Variants in CEP85L observed in about 807,000 individuals in gnomAD.
CEP85L encodes centrosomal protein 85L, also known as centrosomal protein of 85 kDa-like.
CEP85L carries 60 observed loss-of-function variants against 100.3 expected under a neutral mutation model. The observed-to-expected ratio is 0.60, with a 90% CI of 0.49 to 0.74. CEP85L has a LOEUF of 0.74. Ranked by LOEUF, CEP85L falls within the 30% of genes least tolerant of loss-of-function variation. The probability of loss-of-function intolerance (pLI) is 0.00; values close to 1 mark genes in which losing one functional copy is unlikely to be tolerated. For missense variants in CEP85L, 973 were observed against 936.2 expected (o/e 1.04, Z -0.51); for synonymous variants, 319 against 322.7 (o/e 0.99, Z 0.12).
chr6:118,476,491 C>T (rs1773389073), intron 10 of CEP85L, among the ~76,000 whole-genome samples: 1 of 152,074 alleles, frequency 6.6e-6, no homozygotes, highest in African/African-American at 2.4e-5. Flanking sequence ...AGGAGATAAA[C>T]ATCACACAAT....
intron 1 of CEP85L, among the ~76,000 whole-genome samples, chr6:118,657,978 T>C (rs1775854531): frequency 6.6e-6 from 1 of 152,196 alleles, no homozygotes; most frequent in Non-Finnish European, 1.5e-5. Context: ...AAGGTTTTTT[T>C]ATTCCAAAGA....
chr6:118,706,117 C>T (rs1777585976), intron 1 of CEP85L, among the ~76,000 whole-genome samples: 2 of 152,160 alleles, frequency 1.3e-5, no homozygotes, highest in African/African-American at 4.8e-5. Flanking sequence ...GGGAAGGGCT[C>T]GTATCCAGCA....
intron 1 of CEP85L, among the ~76,000 whole-genome samples, chr6:118,706,861 C>G (rs1777608302): frequency 6.6e-6 from 1 of 152,174 alleles, no homozygotes; most frequent in Non-Finnish European, 1.5e-5. Flanking sequence ...CAAAAAGACT[C>G]TCGCTTTGTG....
At chr6:118,503,159 G>A (rs920789885) in intron 5 of CEP85L, among the ~76,000 whole-genome samples, 11 of 151,706 alleles carry the variant, frequency 7.3e-5, no homozygotes, top group African/African-American at 2.7e-4. Flanking sequence ...ATGAACAAGT[G>A]GAATATAAAA....
intron 10 of CEP85L, 45 bp downstream of exon 10, chr6:118,479,820 AGAGTAT>A (rs1773647156): frequency 1.2e-6 from 1 of 857,460 alleles, no homozygotes; most frequent in Admixed American, 2.7e-5. Flanking sequence ...ATAAGCATTA[AGAGTAT>A]ATCAGAATAT....
intron 1 of CEP85L, among the ~76,000 whole-genome samples, chr6:118,660,885 C>CT (rs57604070): frequency 0.7 from 105,424 of 149,576 alleles, 37,718 homozygotes; most frequent in Middle Eastern, 0.75. Flanking sequence ...TTCTTTTTTT[C>CT]TTTTTTTTTT....
chr6:118,597,649 A>G (rs934196222), intron 2 of CEP85L, among the ~76,000 whole-genome samples: 1 of 152,246 alleles, frequency 6.6e-6, no homozygotes, highest in African/African-American at 2.4e-5. Context: ...AAGAATAAAA[A>G]GAAAAGACAG....
chr6:118,617,077 G>A (rs913275560), intron 2 of CEP85L, among the ~76,000 whole-genome samples: 4 of 152,160 alleles, frequency 2.6e-5, no homozygotes, highest in South Asian at 2.1e-4. Flanking sequence ...AAAACCTTGC[G>A]CTTTGCAGGA....
At chr6:118,702,793 T>C (rs115824957) in intron 1 of CEP85L, among the ~76,000 whole-genome samples, 5,856 of 152,152 alleles carry the variant, frequency 0.038, 183 homozygotes, top group Middle Eastern at 0.12. Flanking sequence ...TCAGGAGATT[T>C]AGACTACCGT....
intron 7 of CEP85L, among the ~76,000 whole-genome samples, chr6:118,482,192 A>C (rs1280014205): frequency 2.0e-5 from 3 of 152,164 alleles, no homozygotes; most frequent in Non-Finnish European, 4.4e-5. Flanking sequence ...TTCTCATTTT[A>C]AATTTATTTT....
chr6:118,708,262 T>G (rs1777666501), intron 1 of CEP85L, among the ~76,000 whole-genome samples: 1 of 151,872 alleles, frequency 6.6e-6, no homozygotes, highest in African/African-American at 2.4e-5. Flanking sequence ...GCAACTGGAG[T>G]TCATGAGCGA....
chr6:118,513,954 T>C (rs973133086), intron 4 of CEP85L, among the ~76,000 whole-genome samples: 2 of 152,158 alleles, frequency 1.3e-5, no homozygotes, highest in Non-Finnish European at 2.9e-5. Context: ...TGTATAACCT[T>C]TGTAGATGTA....
chr6:118,589,438 GA>G, intron 2 of CEP85L: 2 of 263,878 alleles, frequency 7.6e-6, no homozygotes, highest in East Asian at 1.0e-4. Context: ...GAAATGATTT[GA>G]AGGGAGTGCC....
chr6:118,577,366 A>C (rs1780302688), intron 2 of CEP85L, among the ~76,000 whole-genome samples: 1 of 152,170 alleles, frequency 6.6e-6, no homozygotes, highest in Admixed American at 6.5e-5. Context: ...GCATTTCATC[A>C]ACTAAGCAAA....
At chr6:118,497,393 C>T (rs1056314669) in intron 5 of CEP85L, among the ~76,000 whole-genome samples, 1 of 152,150 alleles carries the variant, frequency 6.6e-6, no homozygotes, top group African/African-American at 2.4e-5. Flanking sequence ...TCACTGACTC[C>T]CAACACTCCC....
chr6:118,607,839 C>T (rs1392154844), intron 2 of CEP85L, among the ~76,000 whole-genome samples: 1 of 152,044 alleles, frequency 6.6e-6, no homozygotes, highest in Admixed American at 6.6e-5. Flanking sequence ...TGTTACTAGA[C>T]CCCACCACTT....
chr6:118,558,684 G>C lies in CEP85L; in HGVS notation c.1020+6845C>G, dbSNP rs1583046557. On this transcript the variant is annotated intron_variant, in intron 3 of 12. Coordinates refer to ENST00000368491, the MANE Select transcript of CEP85L (RefSeq NM_001042475.3). ...ACAGAGAGAGAGAGAGAGAGAGAGA[G>C]AGAGGGAGAGAGACTATAGAAACAT... is the stretch of plus-strand genomic sequence containing the variant. The C allele has an allele frequency of 1.7e-5, 9 of 526,536 alleles. No homozygotes were observed. In the East Asian group the frequency reaches 3.0e-4, roughly 18 times the overall value. 32.6% of individuals were successfully genotyped at this position (526,536 alleles called of 1,614,324 possible).
At chr6:118,517,413 T>C (rs1217154062) in intron 4 of CEP85L, among the ~76,000 whole-genome samples, 2 of 152,240 alleles carry the variant, frequency 1.3e-5, no homozygotes, top group Non-Finnish European at 2.9e-5. Context: ...TCCTTTCTTA[T>C]TGCCTTGAGC....
chr6:118,709,590 C>T (rs903304736), intron 1 of CEP85L, among the ~76,000 whole-genome samples: 2 of 107,078 alleles, frequency 1.9e-5, no homozygotes, highest in African/African-American at 6.7e-5. Flanking sequence ...AGAGCGCTCC[C>T]AGTTGGCCAA....
Sources: gnomAD v4.1 joint callset for allele counts (sites outside exome capture counted in the v4.1 genomes callset) on GRCh38, gnomAD v4.1.1 for gene constraint, MANE v1.5 for transcripts, NCBI Gene and HGNC (gene_info 2026-07-23, HGNC 2026-07-21) for gene names.